Variants in PTPN2 observed in about 807,000 individuals in gnomAD.
PTPN2 encodes the protein tyrosine-protein phosphatase non-receptor type 2.
PTPN2 carries 19 observed loss-of-function variants against 57.3 expected under a neutral mutation model. The ratio of observed to expected loss-of-function variants is 0.33; its 90% confidence interval spans 0.23 to 0.49. PTPN2 has a LOEUF of 0.49. Ranked by LOEUF, PTPN2 falls within the 20% of genes least tolerant of loss-of-function variation. PTPN2 has a pLI of 0.99. For missense variants in PTPN2, 358 were observed against 501.1 expected, an observed-to-expected ratio of 0.71 and a Z score of 2.73; for synonymous variants, 153 against 164.9, an observed-to-expected ratio of 0.93 and a Z score of 0.55.
intron 4 of PTPN2, among the ~76,000 whole-genome samples, chr18:12,827,512 C>A (rs1358018533): frequency 1.3e-5 from 2 of 151,474 alleles, no homozygotes; most frequent in Non-Finnish European, 2.9e-5. Flanking sequence ...TCCCCCAACC[C>A]CAGCTGGGAC....
At chr18:12,827,342 C>CAAAA (rs200266093) in intron 4 of PTPN2, among the ~76,000 whole-genome samples, 1 of 136,644 alleles carries the variant, frequency 7.3e-6, no homozygotes, top group African/African-American at 2.9e-5. Flanking sequence ...GACTCCGTCT[C>CAAAA]AAAAAAAAAA....
intron 2 of PTPN2, among the ~76,000 whole-genome samples, chr18:12,847,000 T>G (rs2043232137): frequency 6.6e-6 from 1 of 151,160 alleles, no homozygotes; most frequent in South Asian, 2.1e-4. Context: ...TCTTTAATAC[T>G]CTCTTTACTA....
chr18:12,877,974 G>A (rs749458322), intron 1 of PTPN2, among the ~76,000 whole-genome samples: 45 of 151,890 alleles, frequency 3.0e-4, no homozygotes, highest in Non-Finnish European at 4.0e-4. Context: ...AGCTTGCAGC[G>A]AGCCGAGATG....
chr18:12,794,048 A>T lies in PTPN2; in HGVS notation c.*230T>A. ...TTGCAAAATTTACCAGTTTTTAACA[A>T]ACATGAATGTCTTTATTTTAGACAG... On this transcript the variant is annotated 3_prime_UTR_variant, in exon 9 of 9. Coordinates refer to ENST00000309660, the MANE Select transcript of PTPN2 (RefSeq NM_002828.4). The T allele has an allele frequency of 1.4e-6, 2 of 1,397,824 alleles. No individual in the cohort carries two copies. Among genetic ancestry groups the T allele is most frequent in the Non-Finnish European group, 1.9e-6 (2 of 1,080,968 alleles). The allele number at this position is 1,397,824 out of a possible 1,614,324, so 86.6% of individuals were successfully genotyped here.
intron 8 of PTPN2, among the ~76,000 whole-genome samples, chr18:12,801,261 C>G (rs531770246): frequency 6.6e-6 from 1 of 152,220 alleles, no homozygotes; most frequent in East Asian, 1.9e-4. Flanking sequence ...GCCTGTAATC[C>G]CAGCACTTTG....
intron 2 of PTPN2, among the ~76,000 whole-genome samples, chr18:12,841,815 T>C (rs1361869277): frequency 6.6e-6 from 1 of 152,180 alleles, no homozygotes; most frequent in African/African-American, 2.4e-5. Context: ...TAAAATTCAT[T>C]AGTTTGGAAA....
chr18:12,797,089 T>C (rs929862872), intron 8 of PTPN2, among the ~76,000 whole-genome samples: 2 of 152,184 alleles, frequency 1.3e-5, no homozygotes, highest in Non-Finnish European at 1.5e-5. Flanking sequence ...ACTCTCTGAA[T>C]TGAAAATTCA....
intron 1 of PTPN2, chr18:12,868,902 C>T (rs1225848241): frequency 2.0e-5 from 3 of 152,092 alleles, no homozygotes; most frequent in African/African-American, 7.2e-5. Context: ...GTAATCCCAA[C>T]ACTTTGCGGG....
chr18:12,828,893 C>G (rs1255341336), intron 4 of PTPN2, among the ~76,000 whole-genome samples: 1 of 151,928 alleles, frequency 6.6e-6, no homozygotes, highest in Non-Finnish European at 1.5e-5. Context: ...TCATTACAGA[C>G]AGCAAAAAAA....
chr18:12,852,191 A>ACACACACAC (rs373307224), intron 2 of PTPN2, among the ~76,000 whole-genome samples: 1 of 140,410 alleles, frequency 7.1e-6, no homozygotes, highest in Non-Finnish European at 1.5e-5. Flanking sequence ...ATGGGTTTTT[A>ACACACACAC]ACACACACAC....
At chr18:12,840,875 G>A in intron 2 of PTPN2, 2 of 1,575,860 alleles carry the variant, frequency 1.3e-6, no homozygotes, top group Non-Finnish European at 1.7e-6. Flanking sequence ...CCACTTCTGT[G>A]CCGATGCAGT....
chr18:12,835,408 C>CTTTTTT (rs1555671271), intron 3 of PTPN2, among the ~76,000 whole-genome samples: 1 of 38,338 alleles, frequency 2.6e-5, no homozygotes, highest in African/African-American at 1.1e-4. Flanking sequence ...GACAGTTTTG[C>CTTTTTT]TCTTTCGCTC....
chr18:12,852,183 G>A (rs188481657), intron 2 of PTPN2, among the ~76,000 whole-genome samples: 1 of 85,176 alleles, frequency 1.2e-5, no homozygotes, highest in East Asian at 2.6e-4. Context: ...TTTATGGTAT[G>A]GGTTTTTAAC....
chr18:12,793,934 T>A lies in PTPN2; in HGVS notation c.*344A>T. 2.6e-6 allele frequency: 3 copies of A among 1,136,014 alleles called. No individual in the cohort carries two copies. The highest frequency in any genetic ancestry group is 3.2e-6 in the Non-Finnish European group (3 of 923,980). 70.4% of individuals were successfully genotyped at this position (1,136,014 alleles called of 1,614,324 possible). On this transcript the variant is annotated 3_prime_UTR_variant, in exon 9 of 9. Coordinates refer to ENST00000309660, the MANE Select transcript of PTPN2 (RefSeq NM_002828.4). ...TGCTTATATCAAGTGCAGGTTAAAA[T>A]CCAGATAGCCTCCAAAAACAAATCC...
At chr18:12,836,685 C>T (rs2042877328) in intron 3 of PTPN2, 106 bp downstream of exon 3, 2 of 672,850 alleles carry the variant, frequency 3.0e-6, no homozygotes, top group South Asian at 2.1e-5. Context: ...ACTGAAATAC[C>T]ATTTCATTTC....
chr18:12,843,185 T>C (rs1025690656), intron 2 of PTPN2, among the ~76,000 whole-genome samples: 1 of 152,064 alleles, frequency 6.6e-6, no homozygotes, highest in Non-Finnish European at 1.5e-5. Context: ...GACTACTACT[T>C]GAGAAACACT....
intron 5 of PTPN2, among the ~76,000 whole-genome samples, chr18:12,823,151 T>C (rs2145341101): frequency 6.6e-6 from 1 of 152,242 alleles, no homozygotes; most frequent in African/African-American, 2.4e-5. Context: ...AATTAAAAAT[T>C]ATAAAGTAGA....
chr18:12,883,711 G>A (rs2044747214), intron 1 of PTPN2: 2 of 191,152 alleles, frequency 1.0e-5, no homozygotes, highest in Admixed American at 6.1e-5. Context: ...CGGCCCGGGG[G>A]CGCGCGCCCG....
At chr18:12,811,475 C>T (rs936888380) in intron 7 of PTPN2, among the ~76,000 whole-genome samples, 1 of 152,022 alleles carries the variant, frequency 6.6e-6, no homozygotes, top group East Asian at 1.9e-4. Flanking sequence ...GGAAAGCACT[C>T]GGCAGAGAGA....
Sources: allele counts gnomAD v4.1 joint callset (sites outside exome capture counted in the v4.1 genomes callset), GRCh38; gene constraint gnomAD v4.1.1; transcripts MANE v1.5; gene names NCBI Gene and HGNC (gene_info 2026-07-23, HGNC 2026-07-21).